Variants in SGCZ observed in about 807,000 individuals in gnomAD.
SGCZ encodes zeta-sarcoglycan.
SGCZ carries 40 observed loss-of-function variants against 41.3 expected under a neutral mutation model. That is an observed-to-expected ratio of 0.97 (90% CI 0.75 to 1.26). The LOEUF is 1.26. Ranked by LOEUF, SGCZ falls within the 50% of genes most tolerant of loss-of-function variation. SGCZ has a pLI of 0.00. For synonymous variants in SGCZ, 206 were observed against 137.5 expected, an observed-to-expected ratio of 1.50 and a Z score of -3.49; for missense variants, 552 against 369.8, an observed-to-expected ratio of 1.49 and a Z score of -4.04.
chr8:14,165,887 C>G (rs9325689), intron 4 of SGCZ, among the ~76,000 whole-genome samples: 49,886 of 151,958 alleles, frequency 0.33, 8,733 homozygotes, highest in Middle Eastern at 0.45. Flanking sequence ...CTTAAGCTTT[C>G]ATCCATTCAT....
At chr8:14,685,994 G>A (rs958551738) in intron 1 of SGCZ, among the ~76,000 whole-genome samples, 5 of 151,970 alleles carry the variant, frequency 3.3e-5, no homozygotes, top group Non-Finnish European at 7.4e-5. Flanking sequence ...GGTCTAAAAG[G>A]AAAATTAAGG....
intron 1 of SGCZ, among the ~76,000 whole-genome samples, chr8:14,694,919 C>CA (rs1808908181): frequency 6.6e-6 from 1 of 151,922 alleles, no homozygotes; most frequent in South Asian, 2.1e-4. Context: ...ATTCAAAATG[C>CA]AATGTTTAAT....
intron 1 of SGCZ, among the ~76,000 whole-genome samples, chr8:14,590,132 G>C (rs1239637548): frequency 6.6e-6 from 1 of 151,978 alleles, no homozygotes; most frequent in African/African-American, 2.4e-5. Flanking sequence ...TAATAATCAA[G>C]TATTTTTATA....
At chr8:15,024,702 C>T (rs1468446979) in intron 1 of SGCZ, among the ~76,000 whole-genome samples, 5 of 151,860 alleles carry the variant, frequency 3.3e-5, no homozygotes, top group South Asian at 2.1e-4. Context: ...TTTGGGAGGC[C>T]GAGGCGGGCA....
intron 2 of SGCZ, among the ~76,000 whole-genome samples, chr8:14,476,997 T>C (rs979023796): frequency 3.2e-4 from 49 of 152,202 alleles, no homozygotes; most frequent in African/African-American, 9.9e-4. Flanking sequence ...ACCTATTTTG[T>C]TCCCATTGGG....
chr8:14,280,482 T>C (rs1249967885), intron 3 of SGCZ, among the ~76,000 whole-genome samples: 1 of 151,848 alleles, frequency 6.6e-6, no homozygotes, highest in Admixed American at 6.6e-5. Flanking sequence ...GGGCTAAATA[T>C]AATTTTATAA....
chr8:14,798,346 CA>C, intron 1 of SGCZ, among the ~76,000 whole-genome samples: 1 of 152,122 alleles, frequency 6.6e-6, no homozygotes, highest in East Asian at 1.9e-4. Context: ...TTTTACAATT[CA>C]TCTTCTTGAG....
intron 1 of SGCZ, among the ~76,000 whole-genome samples, chr8:14,946,004 CCATATATATATATATATATA>C (rs1563381883): frequency 6.6e-5 from 3 of 45,760 alleles, no homozygotes; most frequent in African/African-American, 2.7e-4. Flanking sequence ...CTAAATGTCC[CCATATATATATATATATATA>C]TATATATATA....
intron 1 of SGCZ, among the ~76,000 whole-genome samples, chr8:14,990,228 A>C (rs557271197): frequency 1.3e-5 from 2 of 152,282 alleles, no homozygotes; most frequent in African/African-American, 4.8e-5. Flanking sequence ...ATATAAACCC[A>C]AAATTTAGTG....
intron 1 of SGCZ, among the ~76,000 whole-genome samples, chr8:14,792,702 T>A (rs753220355): frequency 6.6e-6 from 1 of 152,266 alleles, no homozygotes; most frequent in South Asian, 2.1e-4. Flanking sequence ...TATGTCCTAA[T>A]GCATCTTTCA....
At chr8:14,204,357 G>T (rs1370813765) in intron 4 of SGCZ, among the ~76,000 whole-genome samples, 1 of 151,718 alleles carries the variant, frequency 6.6e-6, no homozygotes, top group African/African-American at 2.4e-5. Flanking sequence ...CCAGAACATG[G>T]AATGCGACAT....
chr8:14,257,795 C>T (rs550116678), intron 3 of SGCZ, among the ~76,000 whole-genome samples: 3 of 152,016 alleles, frequency 2.0e-5, no homozygotes, highest in Non-Finnish European at 2.9e-5. Flanking sequence ...TTGTTTTCCT[C>T]CATAATCTCC....
chr8:15,183,893 T>C (rs1800252387), intron 1 of SGCZ, among the ~76,000 whole-genome samples: 1 of 152,162 alleles, frequency 6.6e-6, no homozygotes, highest in African/African-American at 2.4e-5. Flanking sequence ...CAAAATATTT[T>C]AAGGGATCAA....
At position 14,203,431 on chromosome 8, in the gene SGCZ, A is replaced by C. The variant is rs900001274; in HGVS notation, c.424+34161T>G. ...TTTTATGTTTTTAATACCTAATACA[A>C]TTCTTTTCCTTTTGATTTTTGTGCC... On this transcript the variant is annotated intron_variant, in intron 4 of 7. Transcript: ENST00000382080. 4.6e-5 allele frequency among the ~76,000 whole-genome samples: 7 copies of C among 152,156 alleles called. 1 individual carries two copies. The highest frequency in any genetic ancestry group is 4.6e-4 in the Admixed American group (7 of 15,270).
intron 2 of SGCZ, among the ~76,000 whole-genome samples, chr8:14,394,140 C>CCCCA (rs112444671): frequency 1.4e-5 from 2 of 143,710 alleles, no homozygotes; most frequent in African/African-American, 5.5e-5. Context: ...TACCGCCCCC[C>CCCCA]ACCTTTTTTT....
In SGCZ at chr8:14,164,904, G is replaced by A. The variant is rs754728162; in HGVS notation, c.425-202C>T. 1.0e-5 allele frequency: 6 copies of A among 597,148 alleles called. No individual in the cohort carries two copies. The East Asian group carries it at 2.0e-4, about 20-fold the overall frequency. The allele number at this position is 597,148 out of a possible 1,614,324, so 37.0% of individuals were successfully genotyped here. On this transcript the variant is annotated intron_variant, in intron 4 of 7. Coordinates refer to ENST00000382080, the MANE Select transcript of SGCZ (RefSeq NM_139167.4). ...ATGTACTTCTGTGCTAGGCTGGTTA[G>A]GCATACAGGTGACCTCTGGATGTCT...
intron 2 of SGCZ, among the ~76,000 whole-genome samples, chr8:14,518,980 A>T (rs1298379725): frequency 6.6e-6 from 1 of 151,290 alleles, no homozygotes; most frequent in African/African-American, 2.4e-5. Context: ...GAGGCAGGAG[A>T]ATCGCTTGAA....
intron 1 of SGCZ, among the ~76,000 whole-genome samples, chr8:14,654,727 A>C (rs1267901608): frequency 4.7e-5 from 7 of 148,036 alleles, no homozygotes; most frequent in Admixed American, 2.1e-4. Flanking sequence ...ACGCACCGCC[A>C]TGCCCAGCTA....
At chr8:14,503,204 C>T (rs1181211966) in intron 2 of SGCZ, among the ~76,000 whole-genome samples, 1 of 151,996 alleles carries the variant, frequency 6.6e-6, no homozygotes, top group Non-Finnish European at 1.5e-5. Flanking sequence ...GAACAGAAAG[C>T]CAAACACTGC....
Sources: gnomAD v4.1 joint callset for allele counts (sites outside exome capture counted in the v4.1 genomes callset) on GRCh38, gnomAD v4.1.1 for gene constraint, MANE v1.5 for transcripts, NCBI Gene and HGNC (gene_info 2026-07-23, HGNC 2026-07-21) for gene names.